FBXL17: variants seen among roughly 807,000 people sequenced by gnomAD.
The protein encoded by FBXL17 is F-box/LRR-repeat protein 17.
A neutral mutation model predicts 66.2 loss-of-function variants in FBXL17; 22 were observed. That is an observed-to-expected ratio of 0.33 (90% CI 0.24 to 0.47). The LOEUF is 0.47. Ranked by LOEUF, FBXL17 falls within the 20% of genes least tolerant of loss-of-function variation. The pLI is 1.00. For missense variants in FBXL17, 878 were observed against 948.2 expected (o/e 0.93, Z 0.97); for synonymous variants, 474 against 400.5 (o/e 1.18, Z -2.19).
chr5:108,378,408 C>T (rs972117422), intron 1 of FBXL17, among the ~76,000 whole-genome samples: 2 of 152,074 alleles, frequency 1.3e-5, no homozygotes, highest in Non-Finnish European at 2.9e-5. Context: ...AAAAGCAATA[C>T]AATTATAATA....
intron 6 of FBXL17, among the ~76,000 whole-genome samples, chr5:108,027,940 C>T (rs752227436): frequency 6.6e-6 from 1 of 151,972 alleles, no homozygotes; most frequent in East Asian, 1.9e-4. Flanking sequence ...ATTCATAATC[C>T]GTAACTCTAA....
chr5:107,865,478 A>C (rs1216011414), intron 8 of FBXL17, among the ~76,000 whole-genome samples: 1 of 152,156 alleles, frequency 6.6e-6, no homozygotes, highest in Non-Finnish European at 1.5e-5. Flanking sequence ...CAATTTACCT[A>C]TTTTGGCGGC....
chr5:108,031,663 G>A (rs1032439553), intron 6 of FBXL17, among the ~76,000 whole-genome samples: 38 of 151,952 alleles, frequency 2.5e-4, no homozygotes, highest in African/African-American at 8.7e-4. Context: ...ATGAGAAACT[G>A]GTCTCTCAAA....
At chr5:108,049,892 T>G (rs1007011772) in intron 6 of FBXL17, among the ~76,000 whole-genome samples, 1 of 152,066 alleles carries the variant, frequency 6.6e-6, no homozygotes, top group African/African-American at 2.4e-5. Context: ...ATAGGAACAT[T>G]TACCAAGCAA....
chr5:108,378,075 TGTTA>T (rs1015570003), intron 1 of FBXL17, among the ~76,000 whole-genome samples: 1 of 152,216 alleles, frequency 6.6e-6, no homozygotes, highest in Non-Finnish European at 1.5e-5. Flanking sequence ...GCAAACAACT[TGTTA>T]AAGAAACTAT....
chr5:107,919,335 C>T (rs996501816), intron 7 of FBXL17, among the ~76,000 whole-genome samples: 9 of 152,162 alleles, frequency 5.9e-5, no homozygotes, highest in African/African-American at 2.2e-4. Flanking sequence ...CCTTTGCTCC[C>T]ACTTGGGTCC....
At chr5:108,159,254 G>A (rs367685584) in intron 6 of FBXL17, among the ~76,000 whole-genome samples, 7 of 152,170 alleles carry the variant, frequency 4.6e-5, no homozygotes, top group African/African-American at 1.4e-4. Context: ...TTCAAAACAC[G>A]ATGAAATTTG....
At position 108,012,013 on chromosome 5, in the gene FBXL17, G is replaced by A. The variant is rs139462658; in HGVS notation, c.1822+8912C>T. ...CTACTATGAAAGTATCTCATTGAAT[G>A]TTGTCTTAAATTGCTTTAAAATTAC... On this transcript the variant is annotated intron_variant, in intron 7 of 8. Coordinates refer to ENST00000542267, the MANE Select transcript of FBXL17 (RefSeq NM_001163315.3). Among the ~76,000 whole-genome samples the A allele has an allele frequency of 5.8e-3, 883 of 152,242 alleles. 7 individuals carry two copies. Among genetic ancestry groups the A allele is most frequent in the Non-Finnish European group, 8.2e-3 (557 of 68,010 alleles).
chr5:108,366,359 C>CAGAAAATGCAAATGCATTT (rs1252000461), intron 2 of FBXL17, among the ~76,000 whole-genome samples: 12 of 151,862 alleles, frequency 7.9e-5, no homozygotes, highest in Non-Finnish European at 1.5e-4. Context: ...ATAATGGAGA[C>CAGAAAATGCAAATGCATTT]AGAAAATGCA....
At chr5:108,296,924 T>C (rs1221963466) in intron 4 of FBXL17, among the ~76,000 whole-genome samples, 1 of 151,512 alleles carries the variant, frequency 6.6e-6, no homozygotes, top group Non-Finnish European at 1.5e-5. Flanking sequence ...CCTAATTCCA[T>C]TGTTGCTCAA....
chr5:107,994,321 C>T (rs1264681454), intron 7 of FBXL17, among the ~76,000 whole-genome samples: 1 of 151,368 alleles, frequency 6.6e-6, no homozygotes, highest in Non-Finnish European at 1.5e-5. Flanking sequence ...CCATTGATAA[C>T]ATGTTTTCTT....
chr5:108,319,472 CAA>C (rs1452400809), intron 4 of FBXL17, among the ~76,000 whole-genome samples: 1 of 151,518 alleles, frequency 6.6e-6, no homozygotes, highest in Non-Finnish European at 1.5e-5. Flanking sequence ...AACAAAAAAA[CAA>C]TATTTTTCAA....
intron 7 of FBXL17, among the ~76,000 whole-genome samples, chr5:107,976,513 T>C (rs1752586686): frequency 6.6e-6 from 1 of 152,190 alleles, no homozygotes; most frequent in African/African-American, 2.4e-5. Flanking sequence ...TGAGTGGTGA[T>C]GATACTGGCA....
At chr5:107,970,869 G>A (rs1752345702) in intron 7 of FBXL17, among the ~76,000 whole-genome samples, 1 of 152,168 alleles carries the variant, frequency 6.6e-6, no homozygotes, top group Admixed American at 6.5e-5. Flanking sequence ...AAAGCCCAGA[G>A]AAAAATGTTG....
chr5:108,182,177 C>CAAG (rs1435319586), intron 6 of FBXL17, among the ~76,000 whole-genome samples: 6 of 152,114 alleles, frequency 3.9e-5, no homozygotes, highest in Non-Finnish European at 7.4e-5. Context: ...GACACGGTAG[C>CAAG]AAGTATTTAG....
chr5:108,371,687 A>G (rs1404218429), intron 1 of FBXL17, among the ~76,000 whole-genome samples: 1 of 152,236 alleles, frequency 6.6e-6, no homozygotes, highest in Non-Finnish European at 1.5e-5. Flanking sequence ...AACCAAATAG[A>G]AATGTCTCAC....
chr5:107,995,774 G>A lies in FBXL17; in HGVS notation c.1822+25151C>T, dbSNP rs116495384. 4.7e-3 allele frequency among the ~76,000 whole-genome samples: 717 copies of A among 152,148 alleles called. 5 individuals are homozygous for A. The highest frequency in any genetic ancestry group is 0.017 in the African/African-American group (691 of 41,518). ...TAAATAAGTAGTATTAAATCAATAA[G>A]CATTTAAATTAGTTCTGTGAAACCT... On this transcript the variant is annotated intron_variant, in intron 7 of 8. Coordinates refer to ENST00000542267, the MANE Select transcript of FBXL17 (RefSeq NM_001163315.3).
intron 6 of FBXL17, among the ~76,000 whole-genome samples, chr5:108,068,354 C>G (rs1748191267): frequency 6.6e-6 from 1 of 151,210 alleles, no homozygotes; most frequent in African/African-American, 2.4e-5. Context: ...TCATCAAAAA[C>G]TTTGAGTCAA....
intron 5 of FBXL17, among the ~76,000 whole-genome samples, chr5:108,198,437 T>G (rs1373438815): frequency 6.6e-6 from 1 of 152,086 alleles, no homozygotes; most frequent in East Asian, 1.9e-4. Context: ...CTATGCAGAT[T>G]TGAAAAAAAT....
Sources: gnomAD v4.1 joint callset for allele counts (sites outside exome capture counted in the v4.1 genomes callset) on GRCh38, gnomAD v4.1.1 for gene constraint, MANE v1.5 for transcripts, NCBI Gene and HGNC (gene_info 2026-07-23, HGNC 2026-07-21) for gene names.